TENM3: variants seen among roughly 807,000 people sequenced by gnomAD.
TENM3 encodes teneurin-3.
In TENM3, 63 loss-of-function variants were observed where a neutral mutation model predicts 255.1. The ratio of observed to expected loss-of-function variants is 0.25; its 90% CI spans 0.20 to 0.30. The LOEUF (loss-of-function observed/expected upper bound fraction) is 0.30, where lower values mean the gene tolerates loss of function less well. Ranked by LOEUF, TENM3 falls within the 10% of genes least tolerant of loss-of-function variation. TENM3 has a pLI of 1.00. For missense variants in TENM3, 2,929 were observed against 3,461.1 expected (o/e 0.85, Z 3.86); for synonymous variants, 1,306 against 1,322.3 (o/e 0.99, Z 0.27).
chr4:181,570,102 G>A, the TENM3 span, among the ~76,000 whole-genome samples: 1 of 146,302 alleles, frequency 6.8e-6, no homozygotes, highest in African/African-American at 2.6e-5. Context: ...GCGGACTGCA[G>A]TGGCACAATC....
chr4:182,781,853 T>C lies in TENM3; in HGVS notation c.5304+6700T>C, dbSNP rs1253607718. 5.3e-5 allele frequency among the ~76,000 whole-genome samples: 8 copies of C among 151,676 alleles called. No homozygotes were observed. In the South Asian group the frequency reaches 8.4e-4, roughly 16 times the overall value. On this transcript the variant is annotated intron_variant, in intron 24 of 27. Transcript: ENST00000511685. ...TAGTTTATTTGTGTAGAGGTGTTTG[T>C]AGTATTCTCTGATGGTACTTTGTAT...
At chr4:181,892,560 C>T in the TENM3 span, among the ~76,000 whole-genome samples, 6 of 152,170 alleles carry the variant, frequency 3.9e-5, no homozygotes, top group Non-Finnish European at 7.4e-5. Flanking sequence ...TTTACTTTCT[C>T]GATCTTGGAA....
the TENM3 span, among the ~76,000 whole-genome samples, chr4:181,474,730 G>A: frequency 5.5e-3 from 621 of 113,336 alleles, 1 homozygote; most frequent in African/African-American, 0.019. Flanking sequence ...GTGAGACTCC[G>A]TCTCAAAACA....
chr4:182,128,623 C>T, the TENM3 span, among the ~76,000 whole-genome samples: 5 of 152,208 alleles, frequency 3.3e-5, no homozygotes, highest in African/African-American at 4.8e-5. Flanking sequence ...TTCTTTTCTT[C>T]GTGTCCCTAA....
At chr4:182,535,656 C>G (rs1359482974) in intron 3 of TENM3, among the ~76,000 whole-genome samples, 1 of 151,856 alleles carries the variant, frequency 6.6e-6, no homozygotes, top group Admixed American at 6.6e-5. Flanking sequence ...AGGAGGGTTA[C>G]TTGAGCCCAG....
the TENM3 span, among the ~76,000 whole-genome samples, chr4:182,000,670 A>G: frequency 6.6e-6 from 1 of 152,190 alleles, no homozygotes; most frequent in Non-Finnish European, 1.5e-5. Flanking sequence ...TAGGCATTAA[A>G]ATAAATACAT....
intron 3 of TENM3, among the ~76,000 whole-genome samples, chr4:182,386,787 G>A (rs966525298): frequency 2.0e-5 from 3 of 152,220 alleles, no homozygotes; most frequent in Admixed American, 6.5e-5. Context: ...CTGCCTTCCC[G>A]CGGGGCAGGC....
chr4:182,497,297 C>T (rs929320091), intron 3 of TENM3, among the ~76,000 whole-genome samples: 6 of 152,032 alleles, frequency 3.9e-5, no homozygotes, highest in African/African-American at 9.7e-5. Flanking sequence ...GTGATCTGTC[C>T]GCCTCTACCT....
intron 3 of TENM3, among the ~76,000 whole-genome samples, chr4:182,503,960 T>G (rs1736567547): frequency 6.6e-6 from 1 of 152,234 alleles, no homozygotes; most frequent in Admixed American, 6.5e-5. Context: ...TTCCCTGATT[T>G]ATTTTTGTTC....
intron 1 of TENM3, among the ~76,000 whole-genome samples, chr4:182,205,377 TG>T (rs1189164040): frequency 6.6e-6 from 1 of 152,272 alleles, no homozygotes; most frequent in Admixed American, 6.5e-5. Flanking sequence ...CCTGGGTCTT[TG>T]CTTGACTTAG....
chr4:181,469,825 A>G, the TENM3 span, among the ~76,000 whole-genome samples: 8 of 152,124 alleles, frequency 5.3e-5, no homozygotes, highest in African/African-American at 1.9e-4. Context: ...GTTATACCTG[A>G]GACTCGTATC....
chr4:182,785,361 C>A (rs1219410684), intron 24 of TENM3, among the ~76,000 whole-genome samples: 2 of 151,812 alleles, frequency 1.3e-5, no homozygotes, highest in African/African-American at 4.8e-5. Context: ...CATGAGCCAC[C>A]CCTCCCGGTC....
chr4:182,057,100 A>G, the TENM3 span, among the ~76,000 whole-genome samples: 1 of 151,728 alleles, frequency 6.6e-6, no homozygotes, highest in African/African-American at 2.4e-5. Context: ...CCAGCACCTG[A>G]AAACGCTCAG....
At chr4:182,170,716 A>G (rs997294980) in intron 1 of TENM3, among the ~76,000 whole-genome samples, 5 of 152,212 alleles carry the variant, frequency 3.3e-5, no homozygotes, top group African/African-American at 1.2e-4. Context: ...TAAAAAGAAA[A>G]AAAACCACAA....
intron 4 of TENM3, among the ~76,000 whole-genome samples, chr4:182,610,104 A>G (rs1748842581): frequency 6.6e-6 from 1 of 152,232 alleles, no homozygotes; most frequent in Admixed American, 6.5e-5. Flanking sequence ...CCTAACAGAG[A>G]TAAACTATGA....
Position 182,487,420 on chromosome 4 carries a change from A to C in TENM3, c.512-113504A>C, listed in dbSNP as rs1734866585. On this transcript the variant is annotated intron_variant, in intron 3 of 27. Coordinates refer to ENST00000511685, the MANE Select transcript of TENM3 (RefSeq NM_001080477.4). Reference sequence around the variant, plus strand: ...TTACAAATTAAAATTTTTGAAAAAGAATAATAGAGTAATTTCATTTTCATA... The same window carrying C: ...TTACAAATTAAAATTTTTGAAAAAGCATAATAGAGTAATTTCATTTTCATA... Among the ~76,000 whole-genome samples the C allele has an allele frequency of 2.6e-5, 4 of 152,158 alleles. No individual in the cohort carries two copies. In the South Asian group the frequency reaches 8.3e-4, roughly 31 times the overall value.
intron 1 of TENM3, among the ~76,000 whole-genome samples, chr4:182,314,028 G>A (rs1762598792): frequency 6.6e-6 from 1 of 152,166 alleles, no homozygotes; most frequent in Non-Finnish European, 1.5e-5. Flanking sequence ...GAGGGCACGG[G>A]CTGGCTGGGC....
At chr4:182,787,696 C>T (rs1347719493) in intron 24 of TENM3, among the ~76,000 whole-genome samples, 2 of 138,372 alleles carry the variant, frequency 1.4e-5, no homozygotes, top group Non-Finnish European at 3.0e-5. Flanking sequence ...GATCGCACCA[C>T]TGTACTCCAG....
the TENM3 span, among the ~76,000 whole-genome samples, chr4:181,475,270 A>C: frequency 6.6e-6 from 1 of 152,244 alleles, no homozygotes; most frequent in East Asian, 1.9e-4. Flanking sequence ...TGACACAACA[A>C]AGTCATGCAA....
Sources: allele counts gnomAD v4.1 joint callset (sites outside exome capture counted in the v4.1 genomes callset), GRCh38; gene constraint gnomAD v4.1.1; transcripts MANE v1.5; gene names NCBI Gene and HGNC (gene_info 2026-07-23, HGNC 2026-07-21).